Variants in TTLL2 observed in about 807,000 individuals in gnomAD.
TTLL2 encodes the protein probable tubulin polyglutamylase TTLL2.
TTLL2 carries 10 observed loss-of-function variants against 7.5 expected under a neutral mutation model. That is an observed-to-expected ratio of 1.33 (90% CI 0.82 to 2.25). The LOEUF is 2.25. TTLL2 is among the 30% of genes most tolerant of loss of function. The pLI is 0.00. For synonymous variants in TTLL2, 284 were observed against 280.3 expected, an observed-to-expected ratio of 1.01 and a Z score of -0.13; for missense variants, 733 against 735.7, an observed-to-expected ratio of 1.00 and a Z score of 0.04.
At chr6:167,338,085 AAAAC>A (rs1454426212) in intron 1 of TTLL2, among the ~76,000 whole-genome samples, 1 of 151,916 alleles carries the variant, frequency 6.6e-6, no homozygotes, top group Non-Finnish European at 1.5e-5. Context: ...CAGCACAAAC[AAAAC>A]ACACACCACA....
intron 1 of TTLL2, among the ~76,000 whole-genome samples, chr6:167,338,346 TCACACAA>T (rs1325240284): frequency 1.4e-5 from 2 of 142,148 alleles, no homozygotes; most frequent in South Asian, 4.4e-4. Flanking sequence ...CACAATACAC[TCACACAA>T]CACACAACAT....
intron 1 of TTLL2, among the ~76,000 whole-genome samples, chr6:167,326,636 G>T (rs577442870): frequency 6.6e-6 from 1 of 152,154 alleles, no homozygotes; most frequent in Non-Finnish European, 1.5e-5. Context: ...TGTCCAATCC[G>T]AAGTCCTTGG....
At chr6:167,329,115 C>T (rs1357385357) in intron 1 of TTLL2, among the ~76,000 whole-genome samples, 1 of 152,136 alleles carries the variant, frequency 6.6e-6, no homozygotes, top group Non-Finnish European at 1.5e-5. Context: ...CTGTGGCCCC[C>T]AACCTCGTTA....
intron 1 of TTLL2, among the ~76,000 whole-genome samples, chr6:167,329,272 T>C (rs1178678133): frequency 1.3e-5 from 2 of 152,132 alleles, no homozygotes. Flanking sequence ...AGTAGCAAAA[T>C]CACACTTTTA....
chr6:167,341,211 C>T lies in TTLL2; in HGVS notation c.1311C>T (p.Ile437=), dbSNP rs201555411. The part of the protein sequence containing the change: ...ASNATHGNSN[I]DAAKSDRGGL... ...ATGCCACACATGGAAATTCCAACAT[C>T]GACGCTGCAAAAAGTGACAGAGGTG... Residue 437 remains isoleucine, a synonymous_variant, in exon 3 of 3, where the codon ATC becomes ATT. Coordinates refer to ENST00000239587, the MANE Select transcript of TTLL2 (RefSeq NM_031949.5). 1.9e-5 allele frequency: 31 copies of T among 1,613,590 alleles called. 2 individuals are homozygous for T. The highest frequency in any genetic ancestry group is 1.2e-4 in the African/African-American group (9 of 74,788).
intron 1 of TTLL2, among the ~76,000 whole-genome samples, chr6:167,329,153 G>A (rs899535049): frequency 6.6e-6 from 1 of 152,078 alleles, no homozygotes; most frequent in Non-Finnish European, 1.5e-5. Flanking sequence ...CCCCTCCCAC[G>A]GGCCGCACCT....
At chr6:167,329,451 G>A (rs1004016675) in intron 1 of TTLL2, among the ~76,000 whole-genome samples, 1 of 152,132 alleles carries the variant, frequency 6.6e-6, no homozygotes, top group Non-Finnish European at 1.5e-5. Context: ...TAGTTGGGCT[G>A]TTCTGTCTAT....
At chr6:167,336,136 T>C (rs77031820) in intron 1 of TTLL2, among the ~76,000 whole-genome samples, 2,675 of 152,072 alleles carry the variant, frequency 0.018, 89 homozygotes, top group African/African-American at 0.061. Flanking sequence ...TTGGATGAAC[T>C]GTTTCCTTTC....
At chr6:167,339,781 C>T (rs188507501) in intron 2 of TTLL2, among the ~76,000 whole-genome samples, 142 of 152,312 alleles carry the variant, frequency 9.3e-4, no homozygotes, top group Non-Finnish European at 1.4e-3. Context: ...GGACGGGCCG[C>T]AGATATGGGT....
chr6:167,336,557 G>A lies in TTLL2; in HGVS notation c.48-2090G>A, dbSNP rs543420674. 3.9e-5 allele frequency among the ~76,000 whole-genome samples: 6 copies of A among 152,150 alleles called. No individual in the cohort carries two copies. The South Asian group carries it at 6.2e-4, about 16-fold the overall frequency. Reference sequence around the variant, plus strand: ...CCCCATCCTCCTTCTCAGCGATGGGGACTTTGTCCCCCTCAGCACAGATCA... The same window carrying A: ...CCCCATCCTCCTTCTCAGCGATGGGAACTTTGTCCCCCTCAGCACAGATCA... On this transcript the variant is annotated intron_variant, in intron 1 of 2. Transcript: ENST00000239587.
In TTLL2 at chr6:167,341,446, A is replaced by T; in HGVS notation, c.1546A>T (p.Thr516Ser). The T allele has an allele frequency of 6.2e-7, 1 of 1,614,050 alleles. No homozygotes were observed. The highest frequency in any genetic ancestry group is 8.5e-7 in the Non-Finnish European group (1 of 1,180,016). ...QSKPKLRSRH[T>S]PHKTLMPYAS... ...CAAGCCCAAGTTACGGAGCAGGCAC[A>T]CGCCTCACAAGACACTCATGCCCTA... The change falls in exon 3 of 3, where the codon ACG (threonine) becomes TCG (serine). Residue 516 changes from threonine to serine, a missense_variant. Physicochemically the swap from Thr to Ser is moderately conservative, Grantham distance 58 (BLOSUM62 1). Transcript: ENST00000239587.
At chr6:167,338,386 GAC>G (rs772267025) in intron 1 of TTLL2, among the ~76,000 whole-genome samples, 8 of 145,086 alleles carry the variant, frequency 5.5e-5, no homozygotes, top group African/African-American at 1.4e-4. Context: ...TACCACATGT[GAC>G]ACACAATACA....
In TTLL2 at chr6:167,326,876, C is replaced by T. The variant is rs80332431; in HGVS notation, c.47+1656C>T. ...AATGTAAATCAAAGAAAATGACCAC[C>T]GCAAGTCTCAATCATTTAAGAAGTT... On this transcript the variant is annotated intron_variant, in intron 1 of 2. Coordinates refer to ENST00000239587, the MANE Select transcript of TTLL2 (RefSeq NM_031949.5). Among the ~76,000 whole-genome samples the T allele has an allele frequency of 7.8e-3, 1,181 of 152,230 alleles. 17 individuals are homozygous for T. The highest frequency in any genetic ancestry group is 0.024 in the African/African-American group (979 of 41,518).
In TTLL2 at chr6:167,340,746, G is replaced by A. The variant is rs34513954; in HGVS notation, c.846G>A (p.Thr282=). 2.8e-5 allele frequency: 45 copies of A among 1,614,148 alleles called. No individual in the cohort carries two copies. In the African/African-American group the frequency reaches 3.5e-4, roughly 12 times the overall value. ...AGGAAGGGTTGGTTCGGTTTGCCAC[G>A]GAAAAGTTTGACCTCAGTAATTTGC... The part of the protein sequence containing the change: ...VYQEGLVRFA[T]EKFDLSNLQN... The change falls in exon 3 of 3, where the codon ACG becomes ACA. Residue 282 remains threonine, a synonymous_variant. Coordinates refer to ENST00000239587, the MANE Select transcript of TTLL2 (RefSeq NM_031949.5).
At chr6:167,338,388 C>CACACAATACACACAACATGCACACAAA (rs1385472431) in intron 1 of TTLL2, among the ~76,000 whole-genome samples, 3,173 of 151,888 alleles carry the variant, frequency 0.021, 129 homozygotes, top group African/African-American at 0.073. Flanking sequence ...CCACATGTGA[C>CACACAATACACACAACATGCACACAAA]ACACAATACA....
At chr6:167,327,829 CTT>C (rs1194276705) in intron 1 of TTLL2, among the ~76,000 whole-genome samples, 1 of 152,186 alleles carries the variant, frequency 6.6e-6, no homozygotes, top group African/African-American at 2.4e-5. Context: ...AAAATGTACA[CTT>C]TTCTTTCTAT....
chr6:167,327,236 AT>A lies in TTLL2; in HGVS notation c.47+2019del, dbSNP rs1383956232. ...GGACAGAGGATGCCATCAGTTATGC[AT>A]TTGCCTCAGGTAAATGGAGGGATGA... is the stretch of plus-strand genomic sequence containing the variant. On this transcript the variant is annotated intron_variant, in intron 1 of 2. Transcript: ENST00000239587. Among the ~76,000 whole-genome samples the A allele has an allele frequency of 2.0e-5, 3 of 152,210 alleles. No homozygotes were observed. The East Asian group carries it at 5.8e-4, about 29-fold the overall frequency.
chr6:167,327,145 G>C (rs1420868441), intron 1 of TTLL2, among the ~76,000 whole-genome samples: 1 of 152,210 alleles, frequency 6.6e-6, no homozygotes, highest in Non-Finnish European at 1.5e-5. Context: ...GCGGGTAGAG[G>C]AACAGTCGCT....
chr6:167,339,574 G>A lies in TTLL2; in HGVS notation c.205-531G>A, dbSNP rs565309235. ...TCTATGCACCGAAACCCCTCCAGTG[G>A]GCCTGATGGGTCAGGTGGGTGCATG... On this transcript the variant is annotated intron_variant, in intron 2 of 2. Transcript: ENST00000239587. Among the ~76,000 whole-genome samples, 10 of 152,222 alleles carry A rather than the reference G, an allele frequency of 6.6e-5. No homozygotes were observed. In the East Asian group the frequency reaches 1.9e-3, roughly 29 times the overall value.
Sources: allele counts gnomAD v4.1 joint callset (sites outside exome capture counted in the v4.1 genomes callset), GRCh38; gene constraint gnomAD v4.1.1; transcripts MANE v1.5; gene names NCBI Gene and HGNC (gene_info 2026-07-23, HGNC 2026-07-21).